SPATA31A6: variants seen among roughly 807,000 people sequenced by gnomAD.
The protein encoded by SPATA31A6 is SPATA31 subfamily A member 6.
Under a neutral mutation model 11.9 loss-of-function variants are expected in SPATA31A6, and 9 were observed. The observed-to-expected ratio is 0.76, with a 90% CI of 0.46 to 1.32. SPATA31A6 has a LOEUF of 1.32. SPATA31A6 is among the 40% of genes most tolerant of loss of function. The probability of loss-of-function intolerance (pLI) is 0.00; values close to 1 mark genes in which losing one functional copy is unlikely to be tolerated. For synonymous variants in SPATA31A6, 314 were observed against 572.1 expected, an observed-to-expected ratio of 0.55 and a Z score of 6.44; for missense variants, 855 against 1,467.3, an observed-to-expected ratio of 0.58 and a Z score of 6.82.
In SPATA31A6 at chr9:42,185,801, C is replaced by T. The variant is rs757433320; in HGVS notation, c.308+46C>T. 9.0e-6 allele frequency: 10 copies of T among 1,111,142 alleles called. 1 individual carries two copies. The highest frequency in any genetic ancestry group is 3.1e-5 in the South Asian group (2 of 64,252). The allele number at this position is 1,111,142 out of a possible 1,614,324, so 68.8% of individuals were successfully genotyped here. Reference sequence around the variant, plus strand: ...TGCATCCTTCCTACCAGGGCTGGGACATGACCCAAGGGCCACAGGCAGCCT... The same window carrying T: ...TGCATCCTTCCTACCAGGGCTGGGATATGACCCAAGGGCCACAGGCAGCCT... On this transcript the variant is annotated intron_variant, in intron 3 of 3. Coordinates refer to ENST00000332857, the MANE Select transcript of SPATA31A6 (RefSeq NM_001145196.1).
chr9:42,185,564 G>C, intron 2 of SPATA31A6, 131 bp from the exon 3 acceptor site: 1 of 1,121,930 alleles, frequency 8.9e-7, no homozygotes, highest in Non-Finnish European at 1.3e-6. Context: ...GGGGTCATGT[G>C]GCTTTGGACA....
chr9:42,185,475 C>T (rs1418743430), intron 2 of SPATA31A6: 2 of 785,050 alleles, frequency 2.5e-6, no homozygotes, highest in African/African-American at 2.0e-5. Flanking sequence ...GTTGTGAGGA[C>T]TGTGGGGGTG....
rs1829428976 is a variant in SPATA31A6, at chr9:42,185,462, G to A, written c.248-233G>A. On this transcript the variant is annotated intron_variant, in intron 2 of 3. Coordinates refer to ENST00000332857, the MANE Select transcript of SPATA31A6 (RefSeq NM_001145196.1). ...CACCTCAGTCCTTTCTCCCCACAGGGCAGTTGTGAGGACTGTGGGGGTGGG... is the reference window on the plus strand; with the variant it reads ...CACCTCAGTCCTTTCTCCCCACAGGACAGTTGTGAGGACTGTGGGGGTGGG... The A allele has an allele frequency of 4.3e-6, 3 of 700,766 alleles. 1 individual carries two copies. The highest frequency in any genetic ancestry group is 7.1e-6 in the Non-Finnish European group (3 of 423,420). The allele number at this position is 700,766 out of a possible 1,614,324, so 43.4% of individuals were successfully genotyped here.
chr9:42,184,886 G>A lies in SPATA31A6; in HGVS notation c.190-183G>A. 4.0e-6 allele frequency: 3 copies of A among 755,692 alleles called. 1 individual carries two copies. Among genetic ancestry groups the A allele is most frequent in the Non-Finnish European group, 4.7e-6 (3 of 633,426 alleles). 46.8% of individuals were successfully genotyped at this position (755,692 alleles called of 1,614,324 possible). A position where few individuals can be genotyped will look rare whatever the true frequency, so the allele number is the denominator to read the frequency against. ...TTATCATCCAGTTAAACATGAGTGG[G>A]AGGAAGCACACAGAGCTCCCTGAGC... On this transcript the variant is annotated intron_variant, in intron 1 of 3. Coordinates refer to ENST00000332857, the MANE Select transcript of SPATA31A6 (RefSeq NM_001145196.1).
rs552974847 is a variant in SPATA31A6, at chr9:42,187,154, A to T, written c.1452A>T (p.Gln484His). ...AACCCTTTATTTCATCCACACCCCAATTCCTGCCCACACCTATGGCTCAGG... is the reference window on the plus strand; with the variant it reads ...AACCCTTTATTTCATCCACACCCCATTTCCTGCCCACACCTATGGCTCAGG... ...HRQPFISSTPQFLPTPMAQAE... is the reference protein window; with the variant it reads ...HRQPFISSTPHFLPTPMAQAE... The change falls in exon 4 of 4, where the codon CAA (glutamine) becomes CAT (histidine). Residue 484 changes from glutamine (Q) to histidine (H), a missense_variant. Physicochemically the swap from Gln to His is conservative, Grantham distance 24. Transcript: ENST00000332857. The T allele has an allele frequency of 5.1e-5, 78 of 1,542,266 alleles. 14 individuals carry two copies. Among genetic ancestry groups the T allele is most frequent in the South Asian group, 4.2e-4 (36 of 86,442 alleles).
chr9:42,188,993 G>A lies in SPATA31A6; in HGVS notation c.3291G>A (p.Arg1097=), dbSNP rs758876254. The change falls in exon 4 of 4, where the codon AGG becomes AGA. Residue 1097 remains arginine (R), a synonymous_variant. Transcript: ENST00000332857. ...PNCQGSCKSQ[R]PMFPPIHKSE... Reference sequence around the variant, plus strand: ...GTCAAGGCTCATGCAAGAGCCAAAGGCCAATGTTTCCCCCTATTCACAAGA... The same window carrying A: ...GTCAAGGCTCATGCAAGAGCCAAAGACCAATGTTTCCCCCTATTCACAAGA... 3.4e-5 allele frequency: 52 copies of A among 1,548,840 alleles called. 8 individuals are homozygous for A. The South Asian group carries it at 4.1e-4, about 12-fold the overall frequency.
chr9:42,187,355 G>T lies in SPATA31A6; in HGVS notation c.1653G>T (p.Arg551Ser), dbSNP rs777374121. The change falls in exon 4 of 4, where the codon AGG becomes AGT. Residue 551 changes from arginine (R) to serine (S), a missense_variant. Physicochemically the swap from Arg to Ser is moderately radical, Grantham distance 110 (BLOSUM62 -1). Transcript: ENST00000332857. ...WPLLRKQLEG[R>S]LALPSRVQKS... ...TGTTGAGGAAACAACTAGAAGGTAGGTTGGCTTTACCCTCTAGGGTCCAAA... is the reference window on the plus strand; with the variant it reads ...TGTTGAGGAAACAACTAGAAGGTAGTTTGGCTTTACCCTCTAGGGTCCAAA... The T allele has an allele frequency of 1.3e-6, 2 of 1,537,024 alleles. No homozygotes were observed. The highest frequency in any genetic ancestry group is 1.8e-6 in the Non-Finnish European group (2 of 1,136,786).
chr9:42,183,888 T>C lies in SPATA31A6; in HGVS notation c.189+12T>C. On this transcript the variant is annotated intron_variant, in intron 1 of 3. Transcript: ENST00000332857. ...CTGGGAAGAGAAAGGTAAGGAACCC[T>C]CAGTCCCGACCCACAGAGCTTGATT... 6.5e-7 allele frequency: 1 copy of C among 1,528,928 alleles called. No individual in the cohort carries two copies. The highest frequency in any genetic ancestry group is 1.2e-5 in the South Asian group (1 of 86,576). The allele number at this position is 1,528,928 out of a possible 1,614,324, so 94.7% of individuals were successfully genotyped here. A position where few individuals can be genotyped will look rare whatever the true frequency, so the allele number is the denominator to read the frequency against.
At chr9:42,184,218 G>A (rs868202224) in intron 1 of SPATA31A6, among the ~76,000 whole-genome samples, 2 of 136,934 alleles carry the variant, frequency 1.5e-5, no homozygotes, top group Non-Finnish European at 3.1e-5. Flanking sequence ...CCTTTCTGGG[G>A]CAGGTGGCTC....
intron 1 of SPATA31A6, among the ~76,000 whole-genome samples, chr9:42,184,503 G>GTTATTTTATT (rs201742726): frequency 0.29 from 29,715 of 101,874 alleles, 5,836 homozygotes; most frequent in Admixed American, 0.33. Context: ...TTATTTGTGT[G>GTTATTTTATT]TTATTTTATT....
intron 1 of SPATA31A6, among the ~76,000 whole-genome samples, 187 bp downstream of exon 1, chr9:42,184,063 T>TTCCA (rs1282008895): frequency 7.3e-6 from 1 of 137,340 alleles, no homozygotes; most frequent in Admixed American, 7.2e-5. Context: ...GTACTGGGAT[T>TTCCA]TCCATCCCAA....
At chr9:42,183,955 A>T in intron 1 of SPATA31A6, 79 bp downstream of exon 1, 1 of 1,512,162 alleles carries the variant, frequency 6.6e-7, no homozygotes, top group Non-Finnish European at 8.9e-7. Flanking sequence ...TTCCAAATCC[A>T]GTGGAGAGCC....
At position 42,183,793 on chromosome 9, in the gene SPATA31A6, C is replaced by T. The variant is rs1340626175; in HGVS notation, c.106C>T (p.Leu36=). ...TATCTTCCTCACCTTGGTGTTTGCC[C>T]TGGGGTTCTTCTTCCTATTACTCCC... The part of the protein sequence containing the change: ...LDIFLTLVFA[L]GFFFLLLPYL... The change falls in exon 1 of 4, where the codon CTG becomes TTG. Residue 36 remains leucine, a synonymous_variant. Coordinates refer to ENST00000332857, the MANE Select transcript of SPATA31A6 (RefSeq NM_001145196.1). 9 of 1,535,256 alleles carry T rather than the reference C, an allele frequency of 5.9e-6. 4 individuals are homozygous for T. The highest frequency in any genetic ancestry group is 4.8e-5 in the East Asian group (2 of 41,742).
intron 1 of SPATA31A6, among the ~76,000 whole-genome samples, chr9:42,184,820 G>A (rs1293142265): frequency 7.3e-6 from 1 of 137,504 alleles, no homozygotes; most frequent in African/African-American, 2.9e-5. Context: ...GAGCCACCAC[G>A]CCCAGCCCCC....
rs756982237 is a variant in SPATA31A6, at chr9:42,188,973, G to A, written c.3271G>A (p.Gly1091Ser). Reference protein sequence around the residue: ...QEEPRNPNCQGSCKSQRPMFP... With the variant: ...QEEPRNPNCQSSCKSQRPMFP... ...GGAGCCCAGAAACCCAAACTGTCAA[G>A]GCTCATGCAAGAGCCAAAGGCCAAT... The change falls in exon 4 of 4, where the codon GGC becomes AGC. Residue 1091 changes from glycine to serine, a missense_variant. By Grantham distance (56) the Gly-to-Ser change is moderately conservative. Coordinates refer to ENST00000332857, the MANE Select transcript of SPATA31A6 (RefSeq NM_001145196.1). 6.2e-5 allele frequency: 96 copies of A among 1,547,682 alleles called. 16 individuals are homozygous for A. Among genetic ancestry groups the A allele is most frequent in the Admixed American group, 5.1e-4 (29 of 57,002 alleles).
In SPATA31A6 at chr9:42,185,146, C is replaced by A. The variant is rs1829422025; in HGVS notation, c.247+20C>A. 4 of 1,543,130 alleles carry A rather than the reference C, an allele frequency of 2.6e-6. No individual in the cohort carries two copies. Among genetic ancestry groups the A allele is most frequent in the Non-Finnish European group, 2.6e-6 (3 of 1,137,704 alleles). The stretch of plus-strand genomic sequence containing the variant: ...TGAGAGGTAAGGCTCTGCCAGAGCA[C>A]ACTAGAGTTAATTTGATCTCATCTG... On this transcript the variant is annotated intron_variant, in intron 2 of 3. Coordinates refer to ENST00000332857, the MANE Select transcript of SPATA31A6 (RefSeq NM_001145196.1).
In SPATA31A6 at chr9:42,185,494, G is replaced by A. The variant is rs149873725; in HGVS notation, c.248-201G>A. The A allele has an allele frequency of 5.3e-3, 4,897 of 921,718 alleles. 649 individuals are homozygous for A. The highest frequency in any genetic ancestry group is 0.014 in the African/African-American group (706 of 51,498). The allele number at this position is 921,718 out of a possible 1,614,324, so 57.1% of individuals were successfully genotyped here. On this transcript the variant is annotated intron_variant, in intron 2 of 3. Coordinates refer to ENST00000332857, the MANE Select transcript of SPATA31A6 (RefSeq NM_001145196.1). ...TGAGGACTGTGGGGGTGGGGGGTCC[G>A]TGTGTGGAAGCCTGTTGTGAATGAA...
intron 2 of SPATA31A6, 113 bp from the exon 3 acceptor site, chr9:42,185,582 G>C: frequency 8.5e-7 from 1 of 1,174,092 alleles, no homozygotes; most frequent in Non-Finnish European, 1.2e-6. Context: ...ACACAGATGG[G>C]TGGGGTCCAG....
At position 42,189,155 on chromosome 9, in the gene SPATA31A6, A is replaced by G. The variant is rs1312549781; in HGVS notation, c.3453A>G (p.Lys1151=). 1 of 1,544,926 alleles carries G rather than the reference A, an allele frequency of 6.5e-7. No individual in the cohort carries two copies. The highest frequency in any genetic ancestry group is 1.8e-5 in the Admixed American group (1 of 56,980). Reference sequence around the variant, plus strand: ...GCGTCCAGCTACTGCCATCAAAGAAACAGCCTCCTTCAGTAAGCCACTTTG... The same window carrying G: ...GCGTCCAGCTACTGCCATCAAAGAAGCAGCCTCCTTCAGTAAGCCACTTTG... ...DEGVQLLPSK[K]QPPSVSHFGE... Residue 1151 remains lysine (K), a synonymous_variant, in exon 4 of 4, where the codon AAA becomes AAG. Coordinates refer to ENST00000332857, the MANE Select transcript of SPATA31A6 (RefSeq NM_001145196.1).
Sources: gnomAD v4.1 joint callset for allele counts (sites outside exome capture counted in the v4.1 genomes callset) on GRCh38, gnomAD v4.1.1 for gene constraint, MANE v1.5 for transcripts, NCBI Gene and HGNC (gene_info 2026-07-23, HGNC 2026-07-21) for gene names.